The following TAF3 variants were observed in gnomAD, a reference collection of about 807,000 sequenced individuals.
TAF3 encodes the protein transcription initiation factor TFIID subunit 3.
In TAF3, 7 loss-of-function variants were observed where a neutral mutation model predicts 80.6. The observed-to-expected ratio is 0.09, with a 90% CI of 0.05 to 0.16. The LOEUF is 0.16. Among genes scored for constraint, TAF3 ranks in the 10% least tolerant of loss-of-function variants. TAF3 has a pLI of 1.00. For synonymous variants in TAF3, 444 were observed against 446.1 expected (o/e 1.00, Z 0.06); for missense variants, 921 against 1,140.2 (o/e 0.81, Z 2.77).
intron 2 of TAF3, among the ~76,000 whole-genome samples, chr10:7,848,414 A>G (rs1360226836): frequency 6.6e-6 from 1 of 152,170 alleles, no homozygotes; most frequent in Non-Finnish European, 1.5e-5. Flanking sequence ...CCTTTCATGT[A>G]CAGTGTGTTC....
intron 2 of TAF3, among the ~76,000 whole-genome samples, chr10:7,842,158 TTTTTTGTTTTTTTTTTTG>T (rs1266003345): frequency 0.12 from 15,096 of 124,088 alleles, 1,041 homozygotes; most frequent in South Asian, 0.2. Flanking sequence ...ATTGTTTTTT[TTTTTTGTTTTTTTTTTTG>T]TTTTTTTTTT....
chr10:7,881,250 A>C (rs1182047633), intron 2 of TAF3, among the ~76,000 whole-genome samples: 3 of 151,582 alleles, frequency 2.0e-5, no homozygotes, highest in African/African-American at 7.3e-5. Flanking sequence ...AAAAAAAAAA[A>C]ACAAAAAAAA....
intron 2 of TAF3, among the ~76,000 whole-genome samples, chr10:7,864,064 A>G (rs574288905): frequency 6.6e-6 from 1 of 152,192 alleles, no homozygotes; most frequent in African/African-American, 2.4e-5. Context: ...AGGTACACTG[A>G]TGAACCTGCC....
chr10:7,869,192 AAAAG>A (rs1477111681), intron 2 of TAF3, among the ~76,000 whole-genome samples: 4 of 152,200 alleles, frequency 2.6e-5, no homozygotes, highest in African/African-American at 9.7e-5. Context: ...CAGATAAGAT[AAAAG>A]AAAGATGTCA....
intron 2 of TAF3, among the ~76,000 whole-genome samples, chr10:7,919,004 C>T (rs1256195229): frequency 6.6e-6 from 1 of 152,098 alleles, no homozygotes. Flanking sequence ...TGGAGGTAGA[C>T]TCCTCAGAGG....
chr10:7,912,847 C>T (rs4749347), intron 2 of TAF3, among the ~76,000 whole-genome samples: 57,006 of 151,962 alleles, frequency 0.38, 11,621 homozygotes, highest in Admixed American at 0.49. Context: ...CTTTCTGAAT[C>T]GGACCCCGGA....
chr10:7,930,407 C>T (rs956178007), intron 2 of TAF3, among the ~76,000 whole-genome samples: 4 of 152,150 alleles, frequency 2.6e-5, no homozygotes, highest in African/African-American at 4.8e-5. Context: ...TATATAGACT[C>T]GTACAGCCCT....
At chr10:7,948,409 T>C (rs1838048037) in intron 2 of TAF3, among the ~76,000 whole-genome samples, 1 of 152,138 alleles carries the variant, frequency 6.6e-6, no homozygotes, top group Non-Finnish European at 1.5e-5. Flanking sequence ...TTTAAGAATG[T>C]TTATTCTGTA....
intron 4 of TAF3, among the ~76,000 whole-genome samples, chr10:8,002,907 A>T (rs1056181352): frequency 6.6e-6 from 1 of 152,206 alleles, no homozygotes; most frequent in Non-Finnish European, 1.5e-5. Flanking sequence ...CTTCCTGGCA[A>T]ATTGGAACCT....
intron 2 of TAF3, among the ~76,000 whole-genome samples, chr10:7,863,646 T>TATATATATAC (rs1196114441): frequency 2.9e-4 from 22 of 76,802 alleles, no homozygotes; most frequent in African/African-American, 9.0e-4. Flanking sequence ...TATATATATA[T>TATATATATAC]ACACACACAC....
chr10:7,952,748 T>A (rs1383694519), intron 2 of TAF3, among the ~76,000 whole-genome samples: 3 of 152,206 alleles, frequency 2.0e-5, no homozygotes, highest in Non-Finnish European at 4.4e-5. Context: ...TGATTGGTTG[T>A]AATGTATGAA....
chr10:7,891,170 G>A (rs1837454311), intron 2 of TAF3, among the ~76,000 whole-genome samples: 1 of 152,140 alleles, frequency 6.6e-6, no homozygotes, highest in African/African-American at 2.4e-5. Flanking sequence ...TCTCCCATTG[G>A]TTGCTGGTAT....
rs1016535655 is a variant in TAF3, at chr10:7,881,252, CAAAA to C, written c.409+56699_409+56702del. ...GAGACCCTGTCTCAAAAAAAAAAAA[CAAAA>C]AAAAAACCCACAAGCTCTTTTAATA... On this transcript the variant is annotated intron_variant, in intron 2 of 6. Coordinates refer to ENST00000344293, the MANE Select transcript of TAF3 (RefSeq NM_031923.4). Among the ~76,000 whole-genome samples the C allele has an allele frequency of 4.2e-5, 6 of 143,262 alleles. No homozygotes were observed. In the South Asian group the frequency reaches 9.0e-4, roughly 22 times the overall value. The allele number at this position is 143,262 out of a possible 152,430, so 94.0% of individuals were successfully genotyped here.
intron 2 of TAF3, among the ~76,000 whole-genome samples, chr10:7,900,460 G>A (rs968636497): frequency 2.6e-5 from 4 of 152,150 alleles, no homozygotes; most frequent in Non-Finnish European, 5.9e-5. Context: ...CTACTCCTCG[G>A]TGGATGGCTG....
At chr10:7,980,793 G>A (rs1000868344) in intron 4 of TAF3, among the ~76,000 whole-genome samples, 1 of 152,174 alleles carries the variant, frequency 6.6e-6, no homozygotes, top group Non-Finnish European at 1.5e-5. Flanking sequence ...TGGACTTGGG[G>A]CTGGGAGCAG....
chr10:7,917,008 T>C lies in TAF3; in HGVS notation c.410-46912T>C, dbSNP rs1296653881. Among the ~76,000 whole-genome samples, 3 of 152,352 alleles carry C rather than the reference T, an allele frequency of 2.0e-5. No homozygotes were observed. The East Asian group carries it at 5.8e-4, about 29-fold the overall frequency. On this transcript the variant is annotated intron_variant, in intron 2 of 6. Transcript: ENST00000344293. ...TTCATAGGGATCTGGGTTCAGAGCC[T>C]CACCACTACTTACTAAGTTTATTCA... is the stretch of plus-strand genomic sequence containing the variant.
intron 2 of TAF3, among the ~76,000 whole-genome samples, chr10:7,902,316 G>A (rs898422352): frequency 6.6e-6 from 1 of 152,010 alleles, no homozygotes; most frequent in Non-Finnish European, 1.5e-5. Context: ...CCAACTACTC[G>A]GGAGGCTGAG....
chr10:7,977,208 C>A (rs759550293), intron 3 of TAF3, 33 bp from the exon 4 acceptor site: 1 of 1,607,438 alleles, frequency 6.2e-7, no homozygotes, highest in Non-Finnish European at 8.5e-7. Context: ...TGTTGAAAAA[C>A]CATATTGAAC....
intron 5 of TAF3, among the ~76,000 whole-genome samples, chr10:8,010,896 G>A (rs975729688): frequency 1.3e-5 from 2 of 151,968 alleles, no homozygotes; most frequent in Non-Finnish European, 2.9e-5. Context: ...GGACAAGAGC[G>A]AAACTCCATC....
Sources: gnomAD v4.1 joint callset for allele counts (sites outside exome capture counted in the v4.1 genomes callset) on GRCh38, gnomAD v4.1.1 for gene constraint, MANE v1.5 for transcripts, NCBI Gene and HGNC (gene_info 2026-07-23, HGNC 2026-07-21) for gene names.